Variants in MYOM3 observed in about 807,000 individuals in gnomAD.
MYOM3 encodes myomesin 3.
In MYOM3, 155 loss-of-function variants were observed where a neutral mutation model predicts 191.7. That is an observed-to-expected ratio of 0.81 (90% CI 0.71 to 0.92). The LOEUF is 0.92. Among genes scored for constraint, MYOM3 ranks in the 40% least tolerant of loss-of-function variants. The pLI is 0.00. For missense variants in MYOM3, 1,889 were observed against 1,890.6 expected (o/e 1.00, Z 0.02); for synonymous variants, 757 against 762.9 (o/e 0.99, Z 0.13).
intron 5 of MYOM3, among the ~76,000 whole-genome samples, chr1:24,102,888 A>G (rs1643950219): frequency 6.6e-6 from 1 of 152,146 alleles, no homozygotes. Flanking sequence ...GACTTGCCTA[A>G]CAGGTGAGCT....
rs150775479 is a variant in MYOM3 at position 24,111,251 on chromosome 1, C to G, written c.-19+780G>C. On this transcript the variant is annotated intron_variant, in intron 1 of 36. Coordinates refer to ENST00000374434, the MANE Select transcript of MYOM3 (RefSeq NM_152372.4). The surrounding 1 kb of genome is among the most constrained non-coding windows in gnomAD (Gnocchi z 4.7). ...AAAATCTGGGCCAGAGGTCCCACTGCGTGGCCTTCCCTATTCCCCTCTGCT... is the reference window on the plus strand; with the variant it reads ...AAAATCTGGGCCAGAGGTCCCACTGGGTGGCCTTCCCTATTCCCCTCTGCT... 6.6e-6 allele frequency among the ~76,000 whole-genome samples: 1 copy of G among 152,230 alleles called. No individual in the cohort carries two copies. Among genetic ancestry groups the G allele is most frequent in the Non-Finnish European group, 1.5e-5 (1 of 68,044 alleles).
chr1:24,067,031 A>G lies in MYOM3; in HGVS notation c.3413T>C (p.Leu1138Pro). Reference protein sequence around the residue: ...WKVTEDCQVQLTCKVTNTKKE... With the variant: ...WKVTEDCQVQPTCKVTNTKKE... ...CAGGGCAGGACTTGCCTTGCACGTC[A>G]GCTGCACTTGGCAGTCCTCCGTGAC... The change falls in exon 28 of 37, where the codon CTG becomes CCG. Residue 1138 changes from leucine to proline, a missense_variant. Coordinates refer to ENST00000374434, the MANE Select transcript of MYOM3 (RefSeq NM_152372.4). 6.4e-7 allele frequency: 1 copy of G among 1,572,818 alleles called. No homozygotes were observed. The highest frequency in any genetic ancestry group is 2.3e-5 in the East Asian group (1 of 42,740).
chr1:24,091,264 C>T (rs759459219), intron 11 of MYOM3, among the ~76,000 whole-genome samples: 3 of 152,180 alleles, frequency 2.0e-5, no homozygotes, highest in African/African-American at 4.8e-5. Context: ...ACCCAGCCCT[C>T]GTTTTATCTC....
At chr1:24,081,832 C>T (rs1643673125) in intron 18 of MYOM3, 169 bp downstream of exon 18, 2 of 685,742 alleles carry the variant, frequency 2.9e-6, no homozygotes, top group Admixed American at 3.1e-5. Context: ...CTTGGTGGCT[C>T]TAAACAGTTC....
chr1:24,070,100 T>A (rs1049829237), intron 25 of MYOM3, among the ~76,000 whole-genome samples: 1 of 152,212 alleles, frequency 6.6e-6, no homozygotes, highest in Admixed American at 6.5e-5. Flanking sequence ...CAAAATAATA[T>A]ACTCTAACCA....
chr1:24,071,032 TACCAGCCCATGCGGAATC>T, intron 25 of MYOM3, 67 bp downstream of exon 25: 2 of 1,509,864 alleles, frequency 1.3e-6, no homozygotes, highest in Non-Finnish European at 1.8e-6. Flanking sequence ...TAGGGGGAAG[TACCAGCCCATGCGGAATC>T]ACCATCCCGC....
In MYOM3 at chr1:24,063,008, T is replaced by A. The variant is rs1224680268; in HGVS notation, c.3770+118A>T. 9 of 626,400 alleles carry A rather than the reference T, an allele frequency of 1.4e-5. No individual in the cohort carries two copies. In the East Asian group the frequency reaches 2.4e-4, roughly 17 times the overall value. The allele number at this position is 626,400 out of a possible 1,614,324, so 38.8% of individuals were successfully genotyped here. On this transcript the variant is annotated intron_variant, in intron 32 of 36. Coordinates refer to ENST00000374434, the MANE Select transcript of MYOM3 (RefSeq NM_152372.4). The surrounding 1 kb of genome is among the most constrained non-coding windows in gnomAD (Gnocchi z 4.5). ...GCTAACCCCTGGGACCAGGCTCTGC[T>A]TGGGGGACCAGAAACTCTGCTTGGA... is the stretch of plus-strand genomic sequence containing the variant.
At position 24,107,059 on chromosome 1, in the gene MYOM3, G is replaced by A; in HGVS notation, c.402+14C>T. Reference sequence around the variant, plus strand: ...AGGTCCCAGGCCCTGGGGCTCCACGGCCCACCCCCTTACCCGCCGCCTCAG... The same window carrying A: ...AGGTCCCAGGCCCTGGGGCTCCACGACCCACCCCCTTACCCGCCGCCTCAG... On this transcript the variant is annotated intron_variant, in intron 4 of 36. Coordinates refer to ENST00000374434, the MANE Select transcript of MYOM3 (RefSeq NM_152372.4). The A allele has an allele frequency of 6.3e-7, 1 of 1,598,746 alleles. No homozygotes were observed. Among genetic ancestry groups the A allele is most frequent in the Non-Finnish European group, 8.5e-7 (1 of 1,173,192 alleles).
Position 24,057,578 on chromosome 1 carries a change from G to C in MYOM3, c.4100C>G (p.Ser1367Cys), listed in dbSNP as rs769484569. The C allele has an allele frequency of 1.2e-6, 2 of 1,614,168 alleles. No homozygotes were observed. The highest frequency in any genetic ancestry group is 2.2e-5 in the South Asian group (2 of 91,082). The change falls in exon 37 of 37, where the codon TCT becomes TGT. Residue 1367 changes from serine (S) to cysteine (C), a missense_variant. Physicochemically the swap from Ser to Cys is moderately radical, Grantham distance 112. Transcript: ENST00000374434. ...GACAGGCTGGTCATTCTTCAGCCAA[G>C]AGATTTCAGGGGTGGGGTCTCCTGA... ...IVSGDPTPEI[S>C]WLKNDQPVTF...
chr1:24,110,492 T>C (rs1020384441), intron 1 of MYOM3, among the ~76,000 whole-genome samples: 1 of 152,136 alleles, frequency 6.6e-6, no homozygotes, highest in Non-Finnish European at 1.5e-5. Context: ...TGGAGAGCCG[T>C]TGGCCTGGAA....
rs751904782 is a variant in MYOM3, at chr1:24,080,077, T to C, written c.2525A>G (p.Glu842Gly). 1 of 1,614,132 alleles carries C rather than the reference T, an allele frequency of 6.2e-7. No homozygotes were observed. Among genetic ancestry groups the C allele is most frequent in the South Asian group, 1.1e-5 (1 of 91,070 alleles). Residue 842 changes from glutamate to glycine, a missense_variant, in exon 20 of 37, where the codon GAG becomes GGG. Transcript: ENST00000374434. Reference sequence around the variant, plus strand: ...CGGCTTCCACTGCTCAGAGCCTTCCTCCTGGAAACTGACGTGATAGCCTGT... The same window carrying C: ...CGGCTTCCACTGCTCAGAGCCTTCCCCCTGGAAACTGACGTGATAGCCTGT... ...PVTGYHVSFQ[E>G]EGSEQWKPVT... is the part of the protein sequence containing the mutation.
At position 24,087,227 on chromosome 1, in the gene MYOM3, C is replaced by T. The variant is rs11249131; in HGVS notation, c.1615-400G>A. ...CAGAAACCAGCCATGCCTTATTGTCCTCATGCTCCCCACCATAACCTTGAT... is the reference window on the plus strand; with the variant it reads ...CAGAAACCAGCCATGCCTTATTGTCTTCATGCTCCCCACCATAACCTTGAT... On this transcript the variant is annotated intron_variant, in intron 14 of 36. Coordinates refer to ENST00000374434, the MANE Select transcript of MYOM3 (RefSeq NM_152372.4). The surrounding 1 kb of genome is among the most constrained non-coding windows in gnomAD (Gnocchi z 4.5). 0.41 allele frequency among the ~76,000 whole-genome samples: 61,637 copies of T among 151,952 alleles called. 12,878 individuals carry two copies. The highest frequency in any genetic ancestry group is 0.46 in the East Asian group (2,361 of 5,156).
chr1:24,064,184 G>C, intron 29 of MYOM3, 25 bp from the exon 30 acceptor site: 2 of 1,589,758 alleles, frequency 1.3e-6, no homozygotes, highest in Non-Finnish European at 1.7e-6. Context: ...GAGCGATGGT[G>C]GTGTCAGCAT....
chr1:24,075,404 G>A lies in MYOM3; in HGVS notation c.2773C>T (p.Pro925Ser), dbSNP rs1158116327. Residue 925 changes from proline to serine, a missense_variant, in exon 22 of 37, where the codon CCC (proline) becomes TCC (serine). Physicochemically the swap from Pro to Ser is moderately conservative, Grantham distance 74. Transcript: ENST00000374434. ...GACCACTGAAACTCTGAGGAGTCGG[G>A]GGCTTCAGGGGCTTCAAAAGCCAAA... is the stretch of plus-strand genomic sequence containing the variant. ...IYLAFEAPEA[P>S]DSSEFQWSKD... 3.1e-6 allele frequency: 5 copies of A among 1,610,126 alleles called. No individual in the cohort carries two copies. The South Asian group carries it at 3.3e-5, about 11-fold the overall frequency.
Position 24,084,571 on chromosome 1 carries a change from C to G in MYOM3, c.1867G>C (p.Asp623His). ...AGGAGCTCTGGGTCTTTCACAGGATCCCATGTCAGGGAGACAGAGGTCTGT... is the reference window on the plus strand; with the variant it reads ...AGGAGCTCTGGGTCTTTCACAGGATGCCATGTCAGGGAGACAGAGGTCTGT... ...DTQTSVSLTW[D>H]PVKDPELLGY... Residue 623 changes from aspartate (D) to histidine (H), a missense_variant, in exon 16 of 37, where the codon GAT becomes CAT. Physicochemically the swap from Asp to His is moderately conservative, Grantham distance 81 (BLOSUM62 -1). Transcript: ENST00000374434. 1 of 1,614,024 alleles carries G rather than the reference C, an allele frequency of 6.2e-7. No homozygotes were observed.
chr1:24,094,260 C>T (rs978477071), intron 9 of MYOM3, among the ~76,000 whole-genome samples: 1 of 151,614 alleles, frequency 6.6e-6, no homozygotes, highest in Non-Finnish European at 1.5e-5. Flanking sequence ...CGACCTCTGC[C>T]TCCTGGGTTC....
Position 24,063,478 on chromosome 1 carries a change from G to C in MYOM3, c.3661+14C>G. 1 of 1,614,140 alleles carries C rather than the reference G, an allele frequency of 6.2e-7. No individual in the cohort carries two copies. The highest frequency in any genetic ancestry group is 1.3e-5 in the African/African-American group (1 of 75,050). On this transcript the variant is annotated intron_variant, in intron 31 of 36. Coordinates refer to ENST00000374434, the MANE Select transcript of MYOM3 (RefSeq NM_152372.4). This position sits in a 1 kb window ranked among gnomAD's most constrained non-coding sequence, Gnocchi z 4.5. The stretch of plus-strand genomic sequence containing the variant: ...AGGGCAGGGCAGGGCTGGGCAAAGA[G>C]GCAGGCTGCTTACCACCAATCCTGC...
At chr1:24,092,137 A>T (rs1443345431) in intron 11 of MYOM3, 37 bp downstream of exon 11, 1 of 1,410,716 alleles carries the variant, frequency 7.1e-7, no homozygotes, top group South Asian at 1.7e-5. Context: ...ACAGAATTCT[A>T]CCCCTAGGGC....
rs2148564528 is a variant in MYOM3, at chr1:24,111,250, G to T, written c.-19+781C>A. On this transcript the variant is annotated intron_variant, in intron 1 of 36. Coordinates refer to ENST00000374434, the MANE Select transcript of MYOM3 (RefSeq NM_152372.4). The surrounding 1 kb of genome is among the most constrained non-coding windows in gnomAD (Gnocchi z 4.7). The stretch of plus-strand genomic sequence containing the variant: ...AAAAATCTGGGCCAGAGGTCCCACT[G>T]CGTGGCCTTCCCTATTCCCCTCTGC... Among the ~76,000 whole-genome samples, 1 of 152,342 alleles carries T rather than the reference G, an allele frequency of 6.6e-6. No homozygotes were observed. The highest frequency in any genetic ancestry group is 2.1e-4 in the South Asian group (1 of 4,832).
Sources: gnomAD v4.1 joint callset for allele counts (sites outside exome capture counted in the v4.1 genomes callset) on GRCh38, gnomAD v4.1.1 for gene constraint, Gnocchi (gnomAD v3.1) non-coding constraint, MANE v1.5 for transcripts, NCBI Gene and HGNC (gene_info 2026-07-23, HGNC 2026-07-21) for gene names.